AGBL1: variants seen among roughly 807,000 people sequenced by gnomAD.
The protein encoded by AGBL1 is cytosolic carboxypeptidase 4.
A neutral mutation model predicts 118.9 loss-of-function variants in AGBL1; 130 were observed. The observed-to-expected ratio is 1.09, with a 90% CI of 0.95 to 1.26. The LOEUF is 1.26. Ranked by LOEUF, AGBL1 falls within the 50% of genes most tolerant of loss-of-function variation. AGBL1 has a pLI of 0.00. For synonymous variants in AGBL1, 555 were observed against 478.9 expected (o/e 1.16, Z -2.08); for missense variants, 1,584 against 1,298.1 (o/e 1.22, Z -3.38).
chr15:86,753,479 C>G (rs908564379), intron 22 of AGBL1, among the ~76,000 whole-genome samples: 12 of 144,994 alleles, frequency 8.3e-5, no homozygotes, highest in Non-Finnish European at 1.8e-4. Flanking sequence ...CTCACTGCAA[C>G]TTTTGCCTCC....
At chr15:86,188,036 CG>C (rs1567113474) in intron 5 of AGBL1, among the ~76,000 whole-genome samples, 1 of 152,124 alleles carries the variant, frequency 6.6e-6, no homozygotes, top group African/African-American at 2.4e-5. Flanking sequence ...AAAGTTTTTT[CG>C]TCTCTCAAAT....
At position 86,304,313 on chromosome 15, in the gene AGBL1, T is replaced by C. The variant is rs1395010101; in HGVS notation, c.2374+8905T>C. Among the ~76,000 whole-genome samples, 6 of 152,282 alleles carry C rather than the reference T, an allele frequency of 3.9e-5. No homozygotes were observed. In the East Asian group the frequency reaches 1.2e-3, roughly 29 times the overall value. On this transcript the variant is annotated intron_variant, in intron 17 of 22. Transcript: ENST00000614907. ...GTCTCTATATCTGCTGTTTCCTCTG[T>C]GTCCAACACTTTTTCTCCATAGCTA...
intron 5 of AGBL1, among the ~76,000 whole-genome samples, chr15:86,191,426 A>G (rs2077720141): frequency 6.6e-6 from 1 of 151,950 alleles, no homozygotes; most frequent in Non-Finnish European, 1.5e-5. Flanking sequence ...TTAACAGAAT[A>G]GAAGCAGAAT....
rs1241335666 is a variant in AGBL1, at chr15:86,808,085, A to G, written c.3159-99002A>G. ...AAGAGAAAATTACTCCATAGGAGCA[A>G]TTATTAGATGTGATTTCCCTCCTGT... On this transcript the variant is annotated intron_variant, in intron 22 of 22. Transcript: ENST00000614907. Among the ~76,000 whole-genome samples, 4 of 152,250 alleles carry G rather than the reference A, an allele frequency of 2.6e-5. No homozygotes were observed. The South Asian group carries it at 8.3e-4, about 32-fold the overall frequency.
intron 1 of AGBL1, among the ~76,000 whole-genome samples, chr15:86,133,931 TTA>T (rs1233674986): frequency 6.6e-6 from 1 of 152,324 alleles, no homozygotes; most frequent in Non-Finnish European, 1.5e-5. Flanking sequence ...GACGTCTTTC[TTA>T]TATGTCTTCA....
At chr15:86,554,339 T>C (rs748050164) in intron 20 of AGBL1, 22 bp from the exon 21 acceptor site, 18 of 1,537,246 alleles carry the variant, frequency 1.2e-5, no homozygotes, top group African/African-American at 1.4e-5. Context: ...TAATCATCGT[T>C]TGATTTTTGT....
intron 18 of AGBL1, among the ~76,000 whole-genome samples, chr15:86,436,003 T>A (rs2081996068): frequency 6.6e-6 from 1 of 152,150 alleles, no homozygotes; most frequent in Non-Finnish European, 1.5e-5. Context: ...CCAAGGAATA[T>A]TTAAATTCAG....
intron 1 of AGBL1, among the ~76,000 whole-genome samples, chr15:86,127,837 A>G (rs2076767138): frequency 6.6e-6 from 1 of 152,210 alleles, no homozygotes; most frequent in African/African-American, 2.4e-5. Context: ...AGCTTAAGGC[A>G]GATGAACATG....
chr15:86,604,223 T>A (rs1022771419), intron 21 of AGBL1, among the ~76,000 whole-genome samples: 16 of 152,146 alleles, frequency 1.1e-4, no homozygotes, highest in Non-Finnish European at 1.9e-4. Context: ...AGTTGTAATA[T>A]GAAATTGTAG....
At chr15:86,418,855 A>G (rs978999747) in intron 18 of AGBL1, among the ~76,000 whole-genome samples, 7 of 152,082 alleles carry the variant, frequency 4.6e-5, no homozygotes, top group African/African-American at 1.7e-4. Flanking sequence ...TGAAACTGCA[A>G]TTCCTTTGAC....
At chr15:86,264,236 G>C (rs1184981313) in intron 10 of AGBL1, 22 bp from the exon 11 acceptor site, 1 of 1,522,706 alleles carries the variant, frequency 6.6e-7, no homozygotes, top group East Asian at 2.4e-5. Flanking sequence ...CTAACATATT[G>C]TATTCCATTT....
At chr15:86,752,667 A>G (rs2077873095) in intron 22 of AGBL1, among the ~76,000 whole-genome samples, 1 of 151,934 alleles carries the variant, frequency 6.6e-6, no homozygotes, top group Non-Finnish European at 1.5e-5. Flanking sequence ...TGTTATCTAT[A>G]TTTTTCAGAC....
intron 1 of AGBL1, among the ~76,000 whole-genome samples, chr15:86,083,016 T>A (rs985040454): frequency 6.6e-6 from 1 of 152,196 alleles, no homozygotes; most frequent in East Asian, 1.9e-4. Flanking sequence ...TCCTTAGCAT[T>A]TCTGTGAGGA....
chr15:86,271,813 C>T, intron 15 of AGBL1, 107 bp downstream of exon 15: 2 of 1,120,350 alleles, frequency 1.8e-6, no homozygotes, highest in Non-Finnish European at 2.6e-6. Flanking sequence ...TGCTTGTCTG[C>T]TAAACTTTTT....
chr15:86,595,332 C>T (rs977166127), intron 21 of AGBL1, among the ~76,000 whole-genome samples: 2 of 152,136 alleles, frequency 1.3e-5, no homozygotes, highest in African/African-American at 4.8e-5. Flanking sequence ...CCAAATGCTT[C>T]AAAACTTGCT....
chr15:86,106,421 A>G (rs1897054347), intron 1 of AGBL1, among the ~76,000 whole-genome samples: 1 of 152,240 alleles, frequency 6.6e-6, no homozygotes, highest in African/African-American at 2.4e-5. Flanking sequence ...TAATGAGATA[A>G]AACCTCCATC....
intron 5 of AGBL1, among the ~76,000 whole-genome samples, chr15:86,168,225 TG>T (rs1271624113): frequency 2.0e-5 from 3 of 151,986 alleles, no homozygotes; most frequent in African/African-American, 2.4e-5. Flanking sequence ...AATGTGATCA[TG>T]GGGGGGATAT....
At chr15:86,163,136 C>G (rs1406015643) in intron 5 of AGBL1, among the ~76,000 whole-genome samples, 1 of 152,208 alleles carries the variant, frequency 6.6e-6, no homozygotes, top group Admixed American at 6.5e-5. Context: ...ATAATAGGCT[C>G]TTAATTAAAT....
chr15:86,480,097 G>C (rs1186375237), intron 18 of AGBL1, among the ~76,000 whole-genome samples: 1 of 151,950 alleles, frequency 6.6e-6, no homozygotes, highest in African/African-American at 2.4e-5. Flanking sequence ...GGGGTGGGGA[G>C]AGGGGGGAGG....
Sources: allele counts gnomAD v4.1 joint callset (sites outside exome capture counted in the v4.1 genomes callset), GRCh38; gene constraint gnomAD v4.1.1; transcripts MANE v1.5; gene names NCBI Gene and HGNC (gene_info 2026-07-23, HGNC 2026-07-21).